The following OR6N1 variants were observed in gnomAD, a reference collection of about 807,000 sequenced individuals.
OR6N1 encodes the protein olfactory receptor 6N1.
For synonymous variants in OR6N1, 170 were observed against 150.7 expected (o/e 1.13, Z -0.94); for missense variants, 394 against 371.7 (o/e 1.06, Z -0.49).
the OR6N1 span, among the ~76,000 whole-genome samples, chr1:158,810,600 C>T: frequency 6.6e-6 from 1 of 152,156 alleles, no homozygotes; most frequent in African/African-American, 2.4e-5. Context: ...GGGGCATTGC[C>T]TCCTCTGGGC....
chr1:158,802,426 T>C, the OR6N1 span, among the ~76,000 whole-genome samples: 1 of 152,192 alleles, frequency 6.6e-6, no homozygotes, highest in Non-Finnish European at 1.5e-5. Flanking sequence ...GCCAAGATGG[T>C]CTCGCTCTCC....
chr1:158,794,768 C>A, the OR6N1 span, among the ~76,000 whole-genome samples: 21 of 152,178 alleles, frequency 1.4e-4, no homozygotes, highest in African/African-American at 4.6e-4. Context: ...CAGAAGTTTC[C>A]TCCTTCCTAA....
upstream of OR6N1, chr1:158,775,916 C>T (rs1657581207): frequency 6.6e-6 from 1 of 152,136 alleles, no homozygotes; most frequent in Non-Finnish European, 1.5e-5. Flanking sequence ...AAATTATTGA[C>T]AAGTCCAATC....
chr1:158,801,923 T>A, the OR6N1 span, among the ~76,000 whole-genome samples: 1 of 152,188 alleles, frequency 6.6e-6, no homozygotes, highest in Non-Finnish European at 1.5e-5. Context: ...CATCCTCCTC[T>A]GCATCTTTTC....
At position 158,766,382 on chromosome 1, in the gene OR6N1, T is replaced by C. The variant is rs1416063991; in HGVS notation, c.301A>G (p.Ile101Val). 6.2e-7 allele frequency: 1 copy of C among 1,613,968 alleles called. No homozygotes were observed. The highest frequency in any genetic ancestry group is 8.5e-7 in the Non-Finnish European group (1 of 1,179,992). Reference protein sequence around the residue: ...TISFSGCLLQIYFFHSLGATE... With the variant: ...TISFSGCLLQVYFFHSLGATE... The stretch of plus-strand genomic sequence containing the variant: ...GCTCCAAGGGAGTGAAAGAAATAGA[T>C]CTGCAGGAGACACCCAGAGAATGAA... The change falls in exon 2 of 2, where the codon ATC becomes GTC. Residue 101 changes from isoleucine (I) to valine (V), a missense_variant. Transcript: ENST00000641846.
the OR6N1 span, among the ~76,000 whole-genome samples, chr1:158,814,602 T>C: frequency 6.6e-6 from 1 of 152,172 alleles, no homozygotes; most frequent in Non-Finnish European, 1.5e-5. Context: ...GGCTTTCTTC[T>C]TGTTATAGCC....
the OR6N1 span, among the ~76,000 whole-genome samples, chr1:158,811,154 A>G: frequency 1.3e-5 from 2 of 152,092 alleles, no homozygotes. Flanking sequence ...CTTTTCCTGT[A>G]TTAATTTGCT....
the OR6N1 span, among the ~76,000 whole-genome samples, chr1:158,797,518 G>A: frequency 1.3e-5 from 2 of 152,116 alleles, no homozygotes; most frequent in African/African-American, 2.4e-5. Context: ...TGTATATTTT[G>A]TTGTTTGTTT....
chr1:158,812,369 G>C, the OR6N1 span, among the ~76,000 whole-genome samples: 13 of 152,208 alleles, frequency 8.5e-5, no homozygotes, highest in Non-Finnish European at 1.9e-4. Context: ...AGATAAAAGT[G>C]GAAGTGTTCC....
the OR6N1 span, among the ~76,000 whole-genome samples, chr1:158,837,528 C>T: frequency 1.3e-5 from 2 of 151,698 alleles, no homozygotes; most frequent in Non-Finnish European, 3.0e-5. Flanking sequence ...AAACTCTGCT[C>T]TCTTATTTAA....
chr1:158,800,815 T>G, the OR6N1 span, among the ~76,000 whole-genome samples: 1 of 152,230 alleles, frequency 6.6e-6, no homozygotes, highest in Non-Finnish European at 1.5e-5. Flanking sequence ...GAGTTTTTAT[T>G]TCAAAAATAA....
chr1:158,787,250 C>A, the OR6N1 span, among the ~76,000 whole-genome samples: 1 of 152,102 alleles, frequency 6.6e-6, no homozygotes, highest in Admixed American at 6.5e-5. Flanking sequence ...TGATTGAAAT[C>A]TTCCTGAAGG....
the OR6N1 span, among the ~76,000 whole-genome samples, chr1:158,814,693 C>T: frequency 4.6e-5 from 7 of 152,152 alleles, no homozygotes; most frequent in Non-Finnish European, 1.0e-4. Flanking sequence ...GTTCTGCCCT[C>T]ATGACCTAAT....
At chr1:158,772,850 A>G (rs992008460), upstream of OR6N1, among the ~76,000 whole-genome samples, 6 of 152,220 alleles carry the variant, frequency 3.9e-5, no homozygotes, top group Non-Finnish European at 7.3e-5. Flanking sequence ...TACTCTTGCC[A>G]CAAAATAAAA....
chr1:158,810,703 T>C, the OR6N1 span, among the ~76,000 whole-genome samples: 1 of 152,194 alleles, frequency 6.6e-6, no homozygotes, highest in Non-Finnish European at 1.5e-5. Flanking sequence ...AACAACACCT[T>C]GATCACTCCA....
At chr1:158,821,297 A>G in the OR6N1 span, among the ~76,000 whole-genome samples, 1 of 152,206 alleles carries the variant, frequency 6.6e-6, no homozygotes, top group African/African-American at 2.4e-5. Context: ...CAATCAATGA[A>G]CATGTGTCCA....
At chr1:158,820,825 G>T in the OR6N1 span, among the ~76,000 whole-genome samples, 1 of 152,166 alleles carries the variant, frequency 6.6e-6, no homozygotes, top group Non-Finnish European at 1.5e-5. Flanking sequence ...GGAGACCTCG[G>T]TGCTGTTTTG....
the OR6N1 span, among the ~76,000 whole-genome samples, chr1:158,779,369 C>T: frequency 1.3e-5 from 2 of 152,144 alleles, no homozygotes; most frequent in African/African-American, 4.8e-5. Flanking sequence ...TTTCATCATC[C>T]TGACACTCGT....
At chr1:158,805,930 C>T in the OR6N1 span, among the ~76,000 whole-genome samples, 1 of 152,146 alleles carries the variant, frequency 6.6e-6, no homozygotes, top group East Asian at 1.9e-4. Flanking sequence ...GATGGTAAGT[C>T]CCCCATGTTC....
Sources: allele counts gnomAD v4.1 joint callset (sites outside exome capture counted in the v4.1 genomes callset), GRCh38; gene constraint gnomAD v4.1.1; transcripts MANE v1.5; gene names NCBI Gene and HGNC (gene_info 2026-07-23, HGNC 2026-07-21).